Variants in DNAAF4 observed in about 807,000 individuals in gnomAD.
The protein encoded by DNAAF4 is dynein assembly factor 4, axonemal.
Under a neutral mutation model 51.8 loss-of-function variants are expected in DNAAF4, and 43 were observed. The ratio of observed to expected loss-of-function variants is 0.83; its 90% CI spans 0.65 to 1.07. The LOEUF is 1.07. Among genes scored for constraint, DNAAF4 ranks in the 50% least tolerant of loss-of-function variants. The pLI is 0.00. For synonymous variants in DNAAF4, 194 were observed against 165.6 expected, an observed-to-expected ratio of 1.17 and a Z score of -1.32; for missense variants, 581 against 493.0, an observed-to-expected ratio of 1.18 and a Z score of -1.69.
intron 3 of DNAAF4, among the ~76,000 whole-genome samples, chr15:55,496,402 G>C (rs944117015): frequency 6.6e-6 from 1 of 152,176 alleles, no homozygotes; most frequent in Non-Finnish European, 1.5e-5. Flanking sequence ...CCAGGGTTGG[G>C]AACATCTGCT....
Position 55,423,147 on chromosome 15 carries a change from T to C in DNAAF4, c.1048-5014A>G, listed in dbSNP as rs544341946. On this transcript the variant is annotated intron_variant, in intron 7 of 7. Coordinates refer to the DNAAF4 transcript ENST00000448430. The stretch of plus-strand genomic sequence containing the variant: ...CACACTGAACAGATAAATGGGGCAA[T>C]AGCTAGATGTAGAGCCAAAAGTTTT... Among the ~76,000 whole-genome samples the C allele has an allele frequency of 6.8e-4, 100 of 146,696 alleles. 2 individuals carry two copies. The highest frequency in any genetic ancestry group is 2.7e-4 in the Non-Finnish European group (18 of 67,262).
At chr15:55,461,803 T>A (rs888833016) in intron 5 of DNAAF4, among the ~76,000 whole-genome samples, 1 of 151,716 alleles carries the variant, frequency 6.6e-6, no homozygotes, top group Admixed American at 6.6e-5. Flanking sequence ...CAGAACTAAA[T>A]GAAACTGAAA....
intron 7 of DNAAF4, among the ~76,000 whole-genome samples, chr15:55,419,489 C>T (rs2057369416): frequency 6.6e-6 from 1 of 152,070 alleles, no homozygotes; most frequent in African/African-American, 2.4e-5. Context: ...CATCCTGCCT[C>T]GGCCTCCCAA....
chr15:55,491,930 T>C (rs1027444252), intron 3 of DNAAF4, among the ~76,000 whole-genome samples: 1 of 150,920 alleles, frequency 6.6e-6, no homozygotes, highest in African/African-American at 2.4e-5. Context: ...AATCACAGCT[T>C]AATGTAACCT....
intron 1 of DNAAF4, among the ~76,000 whole-genome samples, chr15:55,499,343 A>G (rs2058680359): frequency 6.6e-6 from 1 of 152,204 alleles, no homozygotes; most frequent in Non-Finnish European, 1.5e-5. Flanking sequence ...GCTCAGCTGT[A>G]TCAACCAATC....
intron 7 of DNAAF4, among the ~76,000 whole-genome samples, chr15:55,439,212 C>T (rs1225129325): frequency 2.6e-5 from 4 of 152,166 alleles, no homozygotes; most frequent in African/African-American, 7.2e-5. Flanking sequence ...GGGATCCTCC[C>T]GCCGCAGCCT....
At chr15:55,452,146 G>A (rs1248158162) in intron 5 of DNAAF4, among the ~76,000 whole-genome samples, 1 of 146,992 alleles carries the variant, frequency 6.8e-6, no homozygotes, top group Non-Finnish European at 1.5e-5. Flanking sequence ...TATTTGGGAA[G>A]CTGAGGCAGG....
chr15:55,439,362 G>T, intron 7 of DNAAF4, 110 bp downstream of exon 7: 1 of 847,004 alleles, frequency 1.2e-6, no homozygotes. Flanking sequence ...ATCCCACCTC[G>T]GCCTCCCAAA....
At chr15:55,500,556 G>A (rs1183157113) in intron 1 of DNAAF4, among the ~76,000 whole-genome samples, 1 of 152,094 alleles carries the variant, frequency 6.6e-6, no homozygotes, top group Non-Finnish European at 1.5e-5. Flanking sequence ...TAATGTAAAG[G>A]ATACTTTGTG....
intron 4 of DNAAF4, among the ~76,000 whole-genome samples, chr15:55,483,852 T>A (rs1278955783): frequency 1.7e-4 from 13 of 76,702 alleles, no homozygotes; most frequent in African/African-American, 4.0e-4. Context: ...TTTTTTTTTT[T>A]TTTTTTTTTT....
At chr15:55,425,597 T>C (rs58179138), downstream of DNAAF4, among the ~76,000 whole-genome samples, 3,111 of 151,962 alleles carry the variant, frequency 0.02, 90 homozygotes, top group African/African-American at 0.068. Flanking sequence ...TTTTTCACTT[T>C]ACTGTTCAAC....
At chr15:55,504,937 A>G (rs1239312934) in intron 1 of DNAAF4, among the ~76,000 whole-genome samples, 2 of 151,946 alleles carry the variant, frequency 1.3e-5, no homozygotes, top group African/African-American at 4.8e-5. Flanking sequence ...TAATTAAACT[A>G]AAGAGCTTCT....
At chr15:55,418,518 C>A in intron 7 of DNAAF4, 1 of 1,524,032 alleles carries the variant, frequency 6.6e-7, no homozygotes, top group Non-Finnish European at 8.8e-7. Flanking sequence ...CTAAATACTG[C>A]ACCTGACAGA....
At chr15:55,490,766 A>C (rs2058559711) in intron 4 of DNAAF4, among the ~76,000 whole-genome samples, 1 of 152,098 alleles carries the variant, frequency 6.6e-6, no homozygotes, top group South Asian at 2.1e-4. Context: ...ATCCCGGCTA[A>C]CACGGTGAAA....
chr15:55,444,527 G>T (rs999503995), intron 6 of DNAAF4, among the ~76,000 whole-genome samples: 5 of 152,110 alleles, frequency 3.3e-5, no homozygotes, highest in African/African-American at 1.2e-4. Context: ...GGCAATGTGG[G>T]TTCTTTTTTG....
At chr15:55,419,835 A>C (rs2057373029) in intron 7 of DNAAF4, among the ~76,000 whole-genome samples, 1 of 151,964 alleles carries the variant, frequency 6.6e-6, no homozygotes, top group Non-Finnish European at 1.5e-5. Context: ...ACCCCATCTC[A>C]ACTAAGATAC....
intron 4 of DNAAF4, among the ~76,000 whole-genome samples, chr15:55,472,298 A>C (rs2058266662): frequency 1.3e-5 from 2 of 152,288 alleles, no homozygotes; most frequent in Non-Finnish European, 2.9e-5. Context: ...AAAACTCAGA[A>C]GGCTAAAATA....
chr15:55,429,669 TAGTC>T (rs1217735401), downstream of DNAAF4, among the ~76,000 whole-genome samples: 5 of 151,428 alleles, frequency 3.3e-5, no homozygotes, highest in East Asian at 9.7e-4. Flanking sequence ...TGCAAAAAAT[TAGTC>T]AGGCGTGGTG....
chr15:55,503,660 C>T (rs950173780), intron 1 of DNAAF4, among the ~76,000 whole-genome samples: 5 of 152,090 alleles, frequency 3.3e-5, no homozygotes, highest in African/African-American at 1.2e-4. Flanking sequence ...ATAAACAGAA[C>T]CAAAGACAAA....
Sources: gnomAD v4.1 joint callset for allele counts (sites outside exome capture counted in the v4.1 genomes callset) on GRCh38, gnomAD v4.1.1 for gene constraint, MANE v1.5 for transcripts, NCBI Gene and HGNC (gene_info 2026-07-23, HGNC 2026-07-21) for gene names.